MEGF10: variants seen among roughly 807,000 people sequenced by gnomAD.
MEGF10 encodes multiple epidermal growth factor-like domains protein 10.
MEGF10 carries 86 observed loss-of-function variants against 147.5 expected under a neutral mutation model. The ratio of observed to expected loss-of-function variants is 0.58; its 90% CI spans 0.49 to 0.70. The LOEUF (loss-of-function observed/expected upper bound fraction) is 0.70, where lower values mean the gene tolerates loss of function less well. MEGF10 is among the 30% of genes least tolerant of loss of function. MEGF10 has a pLI of 0.00. For missense variants in MEGF10, 1,329 were observed against 1,487.3 expected (o/e 0.89, Z 1.75); for synonymous variants, 478 against 525.5 (o/e 0.91, Z 1.24).
chr5:127,356,513 G>A (rs931279609), intron 4 of MEGF10, among the ~76,000 whole-genome samples: 7 of 152,198 alleles, frequency 4.6e-5, no homozygotes, highest in South Asian at 2.1e-4. Flanking sequence ...CTCCCTGACC[G>A]GCTGGCCACG....
At chr5:127,457,107 A>G (rs887893857) in intron 24 of MEGF10, 21 bp from the exon 25 acceptor site, 5 of 1,552,210 alleles carry the variant, frequency 3.2e-6, no homozygotes, top group Non-Finnish European at 4.4e-6. Context: ...TGATAAATTA[A>G]TATGTCCTTG....
chr5:127,375,339 G>C (rs1326291047), intron 5 of MEGF10, among the ~76,000 whole-genome samples: 1 of 152,154 alleles, frequency 6.6e-6, no homozygotes, highest in African/African-American at 2.4e-5. Flanking sequence ...TGGCAGCTGA[G>C]GGAAGGGTTC....
intron 20 of MEGF10, 94 bp from the exon 21 acceptor site, chr5:127,447,463 C>G: frequency 2.6e-6 from 4 of 1,551,554 alleles, no homozygotes; most frequent in Non-Finnish European, 3.5e-6. Flanking sequence ...AGGCGTGAGC[C>G]ACCTCGCTGG....
chr5:127,243,311 A>T, the MEGF10 span, among the ~76,000 whole-genome samples: 1 of 152,210 alleles, frequency 6.6e-6, no homozygotes, highest in Non-Finnish European at 1.5e-5. Flanking sequence ...ACAGAAGTTC[A>T]TAGTAAATTC....
intron 5 of MEGF10, among the ~76,000 whole-genome samples, chr5:127,391,096 GCGCGCGCACA>G (rs1483240279): frequency 9.2e-4 from 27 of 29,420 alleles, no homozygotes; most frequent in African/African-American, 1.7e-3. Context: ...ATGCGCGCGC[GCGCGCGCACA>G]CACACACACA....
chr5:127,279,937 G>C, the MEGF10 span, among the ~76,000 whole-genome samples: 1 of 152,138 alleles, frequency 6.6e-6, no homozygotes, highest in East Asian at 1.9e-4. Context: ...CAATCTATTT[G>C]TCTTTTCTAT....
At chr5:127,313,675 T>C (rs182527939) in intron 1 of MEGF10, among the ~76,000 whole-genome samples, 167 of 152,324 alleles carry the variant, frequency 1.1e-3, no homozygotes, top group Non-Finnish European at 1.7e-3. Flanking sequence ...AACATGTTTC[T>C]TGCTAAATGT....
the MEGF10 span, among the ~76,000 whole-genome samples, chr5:127,285,016 G>A: frequency 6.6e-6 from 1 of 152,130 alleles, no homozygotes; most frequent in African/African-American, 2.4e-5. Context: ...TAAAATCCTT[G>A]TGGATCAGAT....
rs921410548 is a variant in MEGF10, at chr5:127,440,699, A to C, written c.2234-40A>C. The C allele has an allele frequency of 1.9e-6, 3 of 1,606,946 alleles. No individual in the cohort carries two copies. In the African/African-American group the frequency reaches 4.0e-5, roughly 22 times the overall value. ...CACGAGCCTCCAAGTGTTTCTCTTC[A>C]GCAGCCTCTTGACTCCTACTGTCCT... On this transcript the variant is annotated intron_variant, in intron 17 of 24. Coordinates refer to ENST00000503335, the MANE Select transcript of MEGF10 (RefSeq NM_001256545.2).
intron 4 of MEGF10, among the ~76,000 whole-genome samples, chr5:127,351,933 C>T (rs747068688): frequency 3.9e-5 from 6 of 152,118 alleles, no homozygotes; most frequent in East Asian, 1.9e-4. Flanking sequence ...CATCAACAGA[C>T]GGAATAGGTG....
intron 22 of MEGF10, among the ~76,000 whole-genome samples, 175 bp downstream of exon 22, chr5:127,449,397 A>G (rs561050945): frequency 1.3e-5 from 2 of 152,334 alleles, no homozygotes; most frequent in Non-Finnish European, 2.9e-5. Flanking sequence ...GGCTTTATCT[A>G]TTCAACAAAC....
At chr5:127,231,662 A>G in the MEGF10 span, among the ~76,000 whole-genome samples, 1 of 151,592 alleles carries the variant, frequency 6.6e-6, no homozygotes, top group African/African-American at 2.5e-5. Flanking sequence ...GGCTTAGACC[A>G]AGGCCTGATA....
intron 7 of MEGF10, among the ~76,000 whole-genome samples, chr5:127,400,965 T>G (rs1339758556): frequency 1.3e-5 from 2 of 152,240 alleles, no homozygotes; most frequent in African/African-American, 4.8e-5. Context: ...TGAATATATA[T>G]TCCTATAGAC....
chr5:127,416,762 C>T (rs1764794110), intron 9 of MEGF10, among the ~76,000 whole-genome samples: 1 of 152,184 alleles, frequency 6.6e-6, no homozygotes, highest in South Asian at 2.1e-4. Flanking sequence ...CCCAAGGAAG[C>T]TGTATTTCAC....
chr5:127,400,490 G>A (rs1189995699), intron 7 of MEGF10, among the ~76,000 whole-genome samples: 1 of 152,182 alleles, frequency 6.6e-6, no homozygotes, highest in Non-Finnish European at 1.5e-5. Context: ...AAGAAGCTGG[G>A]TTATTTCTGA....
At chr5:127,440,686 A>T in intron 17 of MEGF10, 53 bp from the exon 18 acceptor site, 1 of 1,597,316 alleles carries the variant, frequency 6.3e-7, no homozygotes, top group Non-Finnish European at 8.5e-7. Flanking sequence ...CGAGCCTCCA[A>T]GTGTTTCTCT....
At chr5:127,324,192 T>G (rs1407244900) in intron 1 of MEGF10, among the ~76,000 whole-genome samples, 1 of 104,386 alleles carries the variant, frequency 9.6e-6, no homozygotes, top group Non-Finnish European at 2.3e-5. Flanking sequence ...ATAAAAACGC[T>G]AAGAGGGCTT....
chr5:127,233,577 A>G, the MEGF10 span, among the ~76,000 whole-genome samples: 72 of 152,348 alleles, frequency 4.7e-4, no homozygotes, highest in Middle Eastern at 6.8e-3. Context: ...CATCCTTCAT[A>G]TGCTTAACTG....
intron 1 of MEGF10, among the ~76,000 whole-genome samples, chr5:127,316,337 A>ATTGT (rs1420951919): frequency 6.6e-6 from 1 of 152,196 alleles, no homozygotes; most frequent in Non-Finnish European, 1.5e-5. Flanking sequence ...CCAATTATTG[A>ATTGT]CAATACAGGA....
Sources: allele counts gnomAD v4.1 joint callset (sites outside exome capture counted in the v4.1 genomes callset), GRCh38; gene constraint gnomAD v4.1.1; transcripts MANE v1.5; gene names NCBI Gene and HGNC (gene_info 2026-07-23, HGNC 2026-07-21).